Variants in RBFOX3 observed in about 807,000 individuals in gnomAD.
RBFOX3 encodes the protein RNA binding fox-1 homolog 3, also known as RNA binding protein fox-1 homolog 3.
A neutral mutation model predicts 48.7 loss-of-function variants in RBFOX3; 17 were observed. The observed-to-expected ratio is 0.35, with a 90% CI of 0.24 to 0.52. The LOEUF (loss-of-function observed/expected upper bound fraction) is 0.52. Ranked by LOEUF, RBFOX3 falls within the 20% of genes least tolerant of loss-of-function variation. The pLI is 0.94. For synonymous variants in RBFOX3, 212 were observed against 209.5 expected (o/e 1.01, Z -0.10); for missense variants, 382 against 497.5 (o/e 0.77, Z 2.21).
intron 3 of RBFOX3, among the ~76,000 whole-genome samples, chr17:79,256,061 GGT>G (rs2064792876): frequency 6.6e-6 from 1 of 151,842 alleles, no homozygotes; most frequent in Non-Finnish European, 1.5e-5. Flanking sequence ...CAACTTCCCT[GGT>G]GCGGACGGGA....
Position 79,090,772 on chromosome 17 carries a change from T to TG in RBFOX3, c.*110_*111insC. The TG allele has an allele frequency of 3.0e-6, 4 of 1,350,712 alleles. No homozygotes were observed. Among genetic ancestry groups the TG allele is most frequent in the Non-Finnish European group, 4.0e-6 (4 of 1,000,106 alleles). The allele number at this position is 1,350,712 out of a possible 1,614,324, so 83.7% of individuals were successfully genotyped here. A position where few individuals can be genotyped will look rare whatever the true frequency, so the allele number is the denominator to read the frequency against. On this transcript the variant is annotated 3_prime_UTR_variant, in exon 15 of 15. Transcript: ENST00000693108. ...TGGATGCCTCTTGGTTTGGTTGGTT[T>TG]TTTTTTTGTTGCTTGGATCTTAACA... is the stretch of plus-strand genomic sequence containing the variant.
At chr17:79,508,568 T>G (rs931523202) in intron 1 of RBFOX3, among the ~76,000 whole-genome samples, 4 of 151,942 alleles carry the variant, frequency 2.6e-5, no homozygotes, top group Non-Finnish European at 4.4e-5. Flanking sequence ...TGACTGGAGT[T>G]TTAATGACTC....
rs1435567770 is a variant in RBFOX3 at position 79,204,955 on chromosome 17, T to C, written c.-34+30811A>G. On this transcript the variant is annotated intron_variant, in intron 4 of 14. Coordinates refer to ENST00000693108, the MANE Select transcript of RBFOX3 (RefSeq NM_001350451.2). The surrounding 1 kb of genome is among the most constrained non-coding windows in gnomAD (Gnocchi z 4.5). The stretch of plus-strand genomic sequence containing the variant: ...AATGGATGGGTGGCCAAGTAGGGTA[T>C]TGCTTGGCTTATATAGCCAGGAAAA... Among the ~76,000 whole-genome samples, 1 of 152,078 alleles carries C rather than the reference T, an allele frequency of 6.6e-6. No homozygotes were observed. Among genetic ancestry groups the C allele is most frequent in the Non-Finnish European group, 1.5e-5 (1 of 68,002 alleles).
chr17:79,201,542 C>T (rs2056756302), intron 4 of RBFOX3, among the ~76,000 whole-genome samples: 2 of 152,186 alleles, frequency 1.3e-5, no homozygotes, highest in African/African-American at 4.8e-5. Context: ...GCATTTTCCT[C>T]CTAACCCTGG....
chr17:79,109,722 G>A (rs921497113), intron 5 of RBFOX3, among the ~76,000 whole-genome samples: 10 of 152,188 alleles, frequency 6.6e-5, no homozygotes, highest in Non-Finnish European at 2.9e-5. Flanking sequence ...CCAGATTCAG[G>A]AATCCAGCCT....
intron 4 of RBFOX3, chr17:79,135,936 T>G (rs2040081770): frequency 6.6e-6 from 1 of 152,294 alleles, no homozygotes; most frequent in South Asian, 2.1e-4. Context: ...TTATGCTGGG[T>G]GGGGTCACAG....
intron 2 of RBFOX3, among the ~76,000 whole-genome samples, chr17:79,396,867 G>T (rs1369668374): frequency 6.6e-6 from 1 of 152,242 alleles, no homozygotes; most frequent in African/African-American, 2.4e-5. Flanking sequence ...GCAGCTTCCA[G>T]CGCCTCCACC....
intron 2 of RBFOX3, among the ~76,000 whole-genome samples, chr17:79,387,541 C>G (rs554487939): frequency 2.0e-5 from 3 of 152,198 alleles, no homozygotes; most frequent in Non-Finnish European, 4.4e-5. Context: ...TGGTACCGCC[C>G]GCATGGGCTG....
At chr17:79,332,126 T>C (rs909389757) in intron 2 of RBFOX3, among the ~76,000 whole-genome samples, 3 of 152,176 alleles carry the variant, frequency 2.0e-5, no homozygotes, top group African/African-American at 7.2e-5. Context: ...AGCCATGAAC[T>C]AGCCCCTCTT....
intron 2 of RBFOX3, among the ~76,000 whole-genome samples, chr17:79,458,661 A>G (rs2074947476): frequency 6.6e-6 from 1 of 151,666 alleles, no homozygotes. Flanking sequence ...CTGCAGTGCT[A>G]GGGCAGCTCA....
chr17:79,385,647 T>C (rs533034166), intron 2 of RBFOX3, among the ~76,000 whole-genome samples: 2 of 152,292 alleles, frequency 1.3e-5, no homozygotes, highest in South Asian at 4.1e-4. Context: ...CTGGGTGGGT[T>C]CTATCACCCC....
the RBFOX3 span, among the ~76,000 whole-genome samples, chr17:79,656,512 G>C: frequency 6.6e-6 from 1 of 151,888 alleles, no homozygotes. Context: ...TATTCGGGAG[G>C]CTGAGACAGG....
chr17:79,283,486 C>A (rs2071091981), intron 3 of RBFOX3, among the ~76,000 whole-genome samples: 1 of 152,168 alleles, frequency 6.6e-6, no homozygotes, highest in Non-Finnish European at 1.5e-5. Context: ...CCAGGCTGGT[C>A]TCGAACTCCT....
rs930318106 is a variant in RBFOX3 at position 79,477,059 on chromosome 17, C to T, written c.-175+5395G>A. On this transcript the variant is annotated intron_variant, in intron 2 of 14. Transcript: ENST00000693108. The surrounding 1 kb of genome is among the most constrained non-coding windows in gnomAD (Gnocchi z 4.8). ...ACCAGCCTGGCCAACAGGGTGAAACCCCGTCTCTACTAAAAATACAAAAAT... is the reference window on the plus strand; with the variant it reads ...ACCAGCCTGGCCAACAGGGTGAAACTCCGTCTCTACTAAAAATACAAAAAT... 6.0e-5 allele frequency among the ~76,000 whole-genome samples: 9 copies of T among 151,214 alleles called. No homozygotes were observed. The highest frequency in any genetic ancestry group is 1.2e-4 in the Non-Finnish European group (8 of 67,856).
intron 2 of RBFOX3, among the ~76,000 whole-genome samples, chr17:79,334,537 A>T (rs1004701976): frequency 6.6e-6 from 1 of 152,050 alleles, no homozygotes; most frequent in Non-Finnish European, 1.5e-5. Flanking sequence ...GGGCTTCTTA[A>T]CCCTTCGGGG....
At chr17:79,255,089 T>A (rs11650699) in intron 3 of RBFOX3, among the ~76,000 whole-genome samples, 4,678 of 152,190 alleles carry the variant, frequency 0.031, 68 homozygotes, top group East Asian at 0.047. Flanking sequence ...GCCAACTCCT[T>A]GACCCCTCAG....
In RBFOX3 at chr17:79,090,699, G is replaced by C; in HGVS notation, c.*184C>G. 1 of 733,390 alleles carries C rather than the reference G, an allele frequency of 1.4e-6. No individual in the cohort carries two copies. Among genetic ancestry groups the C allele is most frequent in the Non-Finnish European group, 2.2e-6 (1 of 457,870 alleles). 45.4% of individuals were successfully genotyped at this position (733,390 alleles called of 1,614,324 possible). ...CGCTCCTCGGCGCCCCTGCCGGCGTGCTCCCTCGGTGCGGGCGTGTGGCCA... is the reference window on the plus strand; with the variant it reads ...CGCTCCTCGGCGCCCCTGCCGGCGTCCTCCCTCGGTGCGGGCGTGTGGCCA... On this transcript the variant is annotated 3_prime_UTR_variant, in exon 15 of 15. Transcript: ENST00000693108.
At chr17:79,631,195 G>A in the RBFOX3 span, among the ~76,000 whole-genome samples, 1 of 152,146 alleles carries the variant, frequency 6.6e-6, no homozygotes, top group Non-Finnish European at 1.5e-5. Context: ...CGGCTCCAGT[G>A]TGAGAACCAC....
At chr17:79,310,787 C>T (rs2076744919) in intron 2 of RBFOX3, among the ~76,000 whole-genome samples, 1 of 152,192 alleles carries the variant, frequency 6.6e-6, no homozygotes, top group Non-Finnish European at 1.5e-5. Context: ...GCCCATTTTC[C>T]ATAACACACA....
Sources: gnomAD v4.1 joint callset for allele counts (sites outside exome capture counted in the v4.1 genomes callset) on GRCh38, gnomAD v4.1.1 for gene constraint, Gnocchi (gnomAD v3.1) non-coding constraint, MANE v1.5 for transcripts, NCBI Gene and HGNC (gene_info 2026-07-23, HGNC 2026-07-21) for gene names.